EZH2: variants seen among roughly 807,000 people sequenced by gnomAD.
EZH2 encodes enhancer of zeste 2 polycomb repressive complex 2 subunit, also known as histone-lysine N-methyltransferase EZH2.
In EZH2, 18 loss-of-function variants were observed where a neutral mutation model predicts 98.4. The ratio of observed to expected loss-of-function variants is 0.18; its 90% CI spans 0.13 to 0.27. EZH2 has a LOEUF of 0.27. Ranked by LOEUF, EZH2 falls within the 10% of genes least tolerant of loss-of-function variation. The pLI is 1.00. For synonymous variants in EZH2, 338 were observed against 312.3 expected (o/e 1.08, Z -0.87); for missense variants, 470 against 935.1 (o/e 0.50, Z 6.49).
At chr7:148,863,583 C>T (rs752549538) in intron 1 of EZH2, among the ~76,000 whole-genome samples, 2 of 152,136 alleles carry the variant, frequency 1.3e-5, no homozygotes, top group Non-Finnish European at 2.9e-5. Context: ...TCCCTAAATA[C>T]TCACACCTCA....
intron 8 of EZH2, among the ~76,000 whole-genome samples, chr7:148,825,563 C>T (rs1807454467): frequency 6.6e-6 from 1 of 152,106 alleles, no homozygotes; most frequent in Non-Finnish European, 1.5e-5. Flanking sequence ...GGTACAGCTG[C>T]TTGGGCAAGC....
chr7:148,878,513 G>A (rs1166313708), intron 1 of EZH2, among the ~76,000 whole-genome samples: 3 of 151,878 alleles, frequency 2.0e-5, no homozygotes, highest in Non-Finnish European at 2.9e-5. Flanking sequence ...CTCCTTTTAC[G>A]TCTTTATTTC....
At chr7:148,879,985 G>A (rs1220146653) in intron 1 of EZH2, among the ~76,000 whole-genome samples, 5 of 152,010 alleles carry the variant, frequency 3.3e-5, no homozygotes, top group Non-Finnish European at 4.4e-5. Context: ...GGTGTGCACT[G>A]GTAATACCAG....
chr7:148,844,483 ATGAC>A (rs964077606), intron 3 of EZH2, among the ~76,000 whole-genome samples: 13 of 152,222 alleles, frequency 8.5e-5, no homozygotes, highest in African/African-American at 2.9e-4. Flanking sequence ...AACAAAAAAA[ATGAC>A]TGACCTTAAT....
chr7:148,874,590 TTTATA>T (rs1230945770), intron 1 of EZH2, among the ~76,000 whole-genome samples: 2 of 152,170 alleles, frequency 1.3e-5, no homozygotes. Flanking sequence ...AACAGCTTGC[TTTATA>T]TATTTTTTTC....
intron 18 of EZH2, 68 bp from the exon 19 acceptor site, chr7:148,809,223 C>A: frequency 6.3e-7 from 1 of 1,584,588 alleles, no homozygotes; most frequent in South Asian, 1.1e-5. Context: ...GACTTGTTCA[C>A]ATAACAAACA....
At chr7:148,851,198 A>G (rs544649019) in intron 1 of EZH2, among the ~76,000 whole-genome samples, 65 of 152,266 alleles carry the variant, frequency 4.3e-4, no homozygotes, top group African/African-American at 1.4e-3. Context: ...AAAATGAGGT[A>G]AAGTGCACCC....
intron 1 of EZH2, among the ~76,000 whole-genome samples, chr7:148,877,435 A>G (rs562933587): frequency 6.6e-6 from 1 of 152,334 alleles, no homozygotes; most frequent in African/African-American, 2.4e-5. Flanking sequence ...CAACTCTAAA[A>G]TAATATTGGC....
intron 9 of EZH2, 95 bp downstream of exon 9, chr7:148,819,501 T>A: frequency 1.1e-6 from 1 of 930,632 alleles, no homozygotes; most frequent in South Asian, 1.5e-5. Context: ...CATAACAGCA[T>A]GGGTGCAGAC....
rs187381408 is a variant in EZH2 at position 148,863,534 on chromosome 7, C to T, written c.-7-16229G>A. 3.2e-3 allele frequency among the ~76,000 whole-genome samples: 492 copies of T among 152,246 alleles called. 3 individuals are homozygous for T. Among genetic ancestry groups the T allele is most frequent in the African/African-American group, 0.011 (468 of 41,550 alleles). ...AGTAGTTACAGTCACCCTTCTGATC[C>T]TCCTGCAACCCTAAGACAACGCCAT... On this transcript the variant is annotated intron_variant, in intron 1 of 19. Coordinates refer to ENST00000320356, the MANE Select transcript of EZH2 (RefSeq NM_004456.5).
Position 148,807,593 on chromosome 7 carries a change from G to T in EZH2, c.*53C>A. The T allele has an allele frequency of 6.9e-7, 1 of 1,441,572 alleles. No homozygotes were observed. The highest frequency in any genetic ancestry group is 9.6e-7 in the Non-Finnish European group (1 of 1,043,376). The allele number at this position is 1,441,572 out of a possible 1,614,324, so 89.3% of individuals were successfully genotyped here. A position where few individuals can be genotyped will look rare whatever the true frequency, so the allele number is the denominator to read the frequency against. On this transcript the variant is annotated 3_prime_UTR_variant, in exon 20 of 20. Transcript: ENST00000320356. ...TTCTAAATTGCCCACAGTACTCGAG[G>T]TTCCTGAAGCTAAGGCAGCTGTTTC...
At chr7:148,812,688 C>CA (rs2129469354) in intron 15 of EZH2, among the ~76,000 whole-genome samples, 2 of 152,212 alleles carry the variant, frequency 1.3e-5, no homozygotes, top group Admixed American at 1.3e-4. Context: ...GGAAGGAGTA[C>CA]AATGGTAAGT....
At chr7:148,875,598 G>A (rs193275769) in intron 1 of EZH2, among the ~76,000 whole-genome samples, 86 of 152,278 alleles carry the variant, frequency 5.6e-4, no homozygotes, top group African/African-American at 1.8e-3. Context: ...CTGGCAACAC[G>A]AAGTGTCAAT....
intron 3 of EZH2, among the ~76,000 whole-genome samples, chr7:148,839,853 AGT>A: frequency 6.6e-6 from 1 of 152,340 alleles, no homozygotes; most frequent in Non-Finnish European, 1.5e-5. Context: ...AGCCAAAACT[AGT>A]ATTTGTAATA....
chr7:148,856,025 A>G (rs1226666624), intron 1 of EZH2, among the ~76,000 whole-genome samples: 2 of 152,130 alleles, frequency 1.3e-5, no homozygotes, highest in South Asian at 2.1e-4. Flanking sequence ...TTTAAATGGT[A>G]AACTGTATGC....
At chr7:148,855,391 T>C (rs1405538598) in intron 1 of EZH2, among the ~76,000 whole-genome samples, 1 of 152,214 alleles carries the variant, frequency 6.6e-6, no homozygotes, top group Non-Finnish European at 1.5e-5. Context: ...GAGTTTGGAC[T>C]CCAAAGCTCA....
At chr7:148,853,337 G>C (rs899289166) in intron 1 of EZH2, among the ~76,000 whole-genome samples, 1 of 152,162 alleles carries the variant, frequency 6.6e-6, no homozygotes, top group African/African-American at 2.4e-5. Context: ...ACTTGAACCT[G>C]GGAGGCAGAG....
At chr7:148,828,662 A>G in intron 6 of EZH2, 78 bp downstream of exon 6, 1 of 1,474,018 alleles carries the variant, frequency 6.8e-7, no homozygotes, top group Non-Finnish European at 9.2e-7. Flanking sequence ...AGAAGAAACT[A>G]AGCCCTATTT....
chr7:148,824,803 T>C (rs1362305185), intron 8 of EZH2, among the ~76,000 whole-genome samples: 1 of 152,192 alleles, frequency 6.6e-6, no homozygotes, highest in Non-Finnish European at 1.5e-5. Flanking sequence ...CTGGCTCTAC[T>C]GTAAAAAGAA....
Sources: allele counts gnomAD v4.1 joint callset (sites outside exome capture counted in the v4.1 genomes callset), GRCh38; gene constraint gnomAD v4.1.1; transcripts MANE v1.5; gene names NCBI Gene and HGNC (gene_info 2026-07-23, HGNC 2026-07-21).